The following RAB11FIP4 variants were observed in gnomAD, a reference collection of about 807,000 sequenced individuals.
RAB11FIP4 encodes the protein rab11 family-interacting protein 4.
A neutral mutation model predicts 74.3 loss-of-function variants in RAB11FIP4; 23 were observed. The observed-to-expected ratio is 0.31, with a 90% CI of 0.22 to 0.44. The LOEUF (loss-of-function observed/expected upper bound fraction) is 0.44, where lower values mean the gene tolerates loss of function less well. Ranked by LOEUF, RAB11FIP4 falls within the 20% of genes least tolerant of loss-of-function variation. The pLI, the probability that RAB11FIP4 is intolerant of heterozygous loss-of-function variation, is 1.00. For missense variants in RAB11FIP4, 630 were observed against 863.9 expected (o/e 0.73, Z 3.39); for synonymous variants, 360 against 359.9 (o/e 1.00, Z 0.00).
intron 3 of RAB11FIP4, among the ~76,000 whole-genome samples, chr17:31,434,679 C>A (rs987370111): frequency 6.6e-6 from 1 of 152,208 alleles, no homozygotes; most frequent in Non-Finnish European, 1.5e-5. Flanking sequence ...CTCCCTCGGG[C>A]TGGGTAATTC....
intron 1 of RAB11FIP4, among the ~76,000 whole-genome samples, chr17:31,396,120 G>T (rs553960648): frequency 6.6e-6 from 1 of 151,508 alleles, no homozygotes; most frequent in South Asian, 2.1e-4. Flanking sequence ...GGAGGCGGAG[G>T]TTGCAGTGAG....
At chr17:31,481,286 G>T (rs1176420399) in intron 3 of RAB11FIP4, among the ~76,000 whole-genome samples, 1 of 151,892 alleles carries the variant, frequency 6.6e-6, no homozygotes, top group Non-Finnish European at 1.5e-5. Context: ...AGGTTGCCAT[G>T]GGGTATGTTA....
At chr17:31,399,200 C>A (rs919544507) in intron 1 of RAB11FIP4, among the ~76,000 whole-genome samples, 2 of 152,150 alleles carry the variant, frequency 1.3e-5, no homozygotes, top group Admixed American at 6.5e-5. Context: ...GAAGGGGAAC[C>A]TGACAGCTGG....
chr17:31,422,151 G>A (rs1474309547), intron 1 of RAB11FIP4, among the ~76,000 whole-genome samples: 1 of 152,050 alleles, frequency 6.6e-6, no homozygotes, highest in Non-Finnish European at 1.5e-5. Flanking sequence ...CTCCAGCCAA[G>A]GTGACAGAGT....
At chr17:31,500,338 G>A (rs1173272982) in intron 3 of RAB11FIP4, among the ~76,000 whole-genome samples, 4 of 152,278 alleles carry the variant, frequency 2.6e-5, no homozygotes, top group Non-Finnish European at 4.4e-5. Flanking sequence ...GGGTGCCCAC[G>A]TGTCCCGGGG....
intron 3 of RAB11FIP4, among the ~76,000 whole-genome samples, chr17:31,453,638 A>G (rs989838489): frequency 2.6e-5 from 4 of 151,822 alleles, no homozygotes; most frequent in Admixed American, 6.6e-5. Flanking sequence ...CAGCCTGGCC[A>G]ACATGGTGAA....
At chr17:31,447,587 A>G (rs2071479273) in intron 3 of RAB11FIP4, among the ~76,000 whole-genome samples, 1 of 152,128 alleles carries the variant, frequency 6.6e-6, no homozygotes, top group Non-Finnish European at 1.5e-5. Context: ...CAATAGTACG[A>G]TCTTGGCTCA....
In RAB11FIP4 at chr17:31,529,824, G is replaced by C. The variant is rs551944570; in HGVS notation, c.1654-502G>C. On this transcript the variant is annotated intron_variant, in intron 13 of 14. Transcript: ENST00000621161. Reference sequence around the variant, plus strand: ...TAGGGGTGGGGTGCCCAGGGTCCCAGGTGTGAGCATTAGGGCTCTTTAGGC... The same window carrying C: ...TAGGGGTGGGGTGCCCAGGGTCCCACGTGTGAGCATTAGGGCTCTTTAGGC... 3.3e-5 allele frequency among the ~76,000 whole-genome samples: 5 copies of C among 152,352 alleles called. No individual in the cohort carries two copies. The South Asian group carries it at 1.0e-3, about 32-fold the overall frequency.
intron 3 of RAB11FIP4, among the ~76,000 whole-genome samples, chr17:31,507,245 C>T (rs989488987): frequency 6.6e-5 from 10 of 152,150 alleles, no homozygotes; most frequent in African/African-American, 2.4e-4. Context: ...TGCTATTGCA[C>T]TCCAGCCTGG....
chr17:31,466,373 C>T (rs559375282), intron 3 of RAB11FIP4, among the ~76,000 whole-genome samples: 1 of 152,218 alleles, frequency 6.6e-6, no homozygotes, highest in East Asian at 1.9e-4. Context: ...CCTTTGTTTC[C>T]TTTCCTGTAG....
chr17:31,484,353 G>A (rs541538592), intron 3 of RAB11FIP4, among the ~76,000 whole-genome samples: 8 of 151,788 alleles, frequency 5.3e-5, no homozygotes, highest in East Asian at 1.9e-4. Flanking sequence ...TTACAGGAGT[G>A]AGCCACTGCG....
intron 1 of RAB11FIP4, among the ~76,000 whole-genome samples, chr17:31,422,329 T>C (rs534770667): frequency 1.3e-5 from 2 of 152,372 alleles, no homozygotes; most frequent in African/African-American, 4.8e-5. Context: ...TAGGTTAAGC[T>C]GGTTAGTGGT....
Position 31,522,256 on chromosome 17 carries a change from G to A in RAB11FIP4, c.894-104G>A, listed in dbSNP as rs144713912. The A allele has an allele frequency of 7.0e-4, 942 of 1,337,270 alleles. 3 individuals carry two copies. The highest frequency in any genetic ancestry group is 6.0e-3 in the African/African-American group (412 of 68,624). The allele number at this position is 1,337,270 out of a possible 1,614,324, so 82.8% of individuals were successfully genotyped here. On this transcript the variant is annotated intron_variant, in intron 6 of 14. Transcript: ENST00000621161. ...CTGACTAGTGAATTCCTTTCAGTGGGAGGGAAGAGCCTTGTCCTGCACTGT... is the reference window on the plus strand; with the variant it reads ...CTGACTAGTGAATTCCTTTCAGTGGAAGGGAAGAGCCTTGTCCTGCACTGT...
chr17:31,474,465 A>G (rs2071769812), intron 3 of RAB11FIP4, among the ~76,000 whole-genome samples: 1 of 152,068 alleles, frequency 6.6e-6, no homozygotes, highest in Non-Finnish European at 1.5e-5. Flanking sequence ...TAAGGTCAGG[A>G]GTTTGAGACC....
At chr17:31,468,839 A>G (rs1327347718) in intron 3 of RAB11FIP4, among the ~76,000 whole-genome samples, 1 of 151,620 alleles carries the variant, frequency 6.6e-6, no homozygotes, top group African/African-American at 2.4e-5. Context: ...AAAAAAAAAA[A>G]GGAATCTCAA....
chr17:31,411,647 G>A (rs1464836194), intron 1 of RAB11FIP4, among the ~76,000 whole-genome samples: 1 of 152,158 alleles, frequency 6.6e-6, no homozygotes, highest in Admixed American at 6.5e-5. Flanking sequence ...TTATAAATAA[G>A]GGCCTCAATC....
chr17:31,488,256 C>T (rs2071938531), intron 3 of RAB11FIP4: 2 of 1,170,132 alleles, frequency 1.7e-6, no homozygotes, highest in South Asian at 8.4e-5. Context: ...CGCACCCCGC[C>T]AGCTCTCGGG....
rs76571954 is a variant in RAB11FIP4 at position 31,394,557 on chromosome 17, G to T, written c.159+2546G>T. On this transcript the variant is annotated intron_variant, in intron 1 of 14. Transcript: ENST00000621161. Reference sequence around the variant, plus strand: ...AATCCTGGCTTGTGGAAGCATTCGGGCCTGTTGTCTGTCAGTAATTTCTGG... The same window carrying T: ...AATCCTGGCTTGTGGAAGCATTCGGTCCTGTTGTCTGTCAGTAATTTCTGG... Among the ~76,000 whole-genome samples, 747 of 151,942 alleles carry T rather than the reference G, an allele frequency of 4.9e-3. 7 individuals are homozygous for T. The highest frequency in any genetic ancestry group is 0.019 in the South Asian group (92 of 4,808).
Position 31,537,292 on chromosome 17 carries a change from C to A in RAB11FIP4, c.*5560C>A. ...TGAGGCCAGCTCTCCCGGGCACATTCGTCCACAAGGATCAGGCCCCACTTA... is the reference window on the plus strand; with the variant it reads ...TGAGGCCAGCTCTCCCGGGCACATTAGTCCACAAGGATCAGGCCCCACTTA... On this transcript the variant is annotated 3_prime_UTR_variant, in exon 15 of 15. Transcript: ENST00000621161. 5.0e-6 allele frequency: 2 copies of A among 398,652 alleles called. No homozygotes were observed. The highest frequency in any genetic ancestry group is 2.7e-4 in the South Asian group (2 of 7,410). The allele number at this position is 398,652 out of a possible 1,614,324, so 24.7% of individuals were successfully genotyped here. A position where few individuals can be genotyped will look rare whatever the true frequency, so the allele number is the denominator to read the frequency against.
Sources: allele counts gnomAD v4.1 joint callset (sites outside exome capture counted in the v4.1 genomes callset), GRCh38; gene constraint gnomAD v4.1.1; transcripts MANE v1.5; gene names NCBI Gene and HGNC (gene_info 2026-07-23, HGNC 2026-07-21).